The following SLC39A8 variants were observed in gnomAD, a reference collection of about 807,000 sequenced individuals.
SLC39A8 encodes the protein solute carrier family 39 member 8.
SLC39A8 carries 15 observed loss-of-function variants against 40.4 expected under a neutral mutation model. The observed-to-expected ratio is 0.37, with a 90% CI of 0.25 to 0.57. The LOEUF (loss-of-function observed/expected upper bound fraction) is 0.57, where lower values mean the gene tolerates loss of function less well. Ranked by LOEUF, SLC39A8 falls within the 20% of genes least tolerant of loss-of-function variation. The pLI, the probability that SLC39A8 is intolerant of heterozygous loss-of-function variation, is 0.75. For missense variants in SLC39A8, 472 were observed against 558.8 expected (o/e 0.84, Z 1.57); for synonymous variants, 223 against 221.6 (o/e 1.01, Z -0.06).
In SLC39A8 at chr4:102,344,795, G is replaced by T; in HGVS notation, c.-133C>A. On this transcript the variant is annotated 5_prime_UTR_variant, in exon 2 of 9. Coordinates refer to ENST00000356736, the MANE Select transcript of SLC39A8 (RefSeq NM_001135146.2). ...CTGCTCCGAGTCAGAGGTGGCGCGG[G>T]ACGCCCCTGGTTCTCCGACGCCTTC... The T allele has an allele frequency of 7.6e-7, 1 of 1,322,388 alleles. No individual in the cohort carries two copies. Among genetic ancestry groups the T allele is most frequent in the Non-Finnish European group, 9.6e-7 (1 of 1,040,928 alleles). 81.9% of individuals were successfully genotyped at this position (1,322,388 alleles called of 1,614,324 possible).
intron 6 of SLC39A8, among the ~76,000 whole-genome samples, chr4:102,279,706 AATTGCATCCTCTTCTCCCAAT>A (rs1355024957): frequency 1.3e-5 from 2 of 152,220 alleles, no homozygotes; most frequent in African/African-American, 4.8e-5. Flanking sequence ...AATGTTCCTT[AATTGCATCCTCTTCTCCCAAT>A]ATTTTATATG....
At chr4:102,261,171 C>T (rs1330151972), downstream of SLC39A8, among the ~76,000 whole-genome samples, 4 of 152,106 alleles carry the variant, frequency 2.6e-5, no homozygotes, top group Non-Finnish European at 4.4e-5. Context: ...CCTCTTGTAC[C>T]GTAATGGACC....
At chr4:102,253,362 C>T (rs1731636821) in exon 12 of SLC39A8, 2 of 708,372 alleles carry the variant, frequency 2.8e-6, no homozygotes, top group Non-Finnish European at 5.2e-6. Context: ...TAACCAATCA[C>T]TGTTGAAGGT....
In SLC39A8 at chr4:102,270,527, C is replaced by G. The variant is rs1054762737; in HGVS notation, c.841-2448G>C. ...AGTGAATATGCCTATCTCTCTCTTT[C>G]CTTTTTAAATTTTTGTTTTCTATTG... On this transcript the variant is annotated intron_variant, in intron 6 of 8. Coordinates refer to ENST00000356736, the MANE Select transcript of SLC39A8 (RefSeq NM_001135146.2). 2.5e-4 allele frequency among the ~76,000 whole-genome samples: 38 copies of G among 152,262 alleles called. 1 individual carries two copies. The highest frequency in any genetic ancestry group is 7.8e-4 in the Admixed American group (12 of 15,296).
intron 2 of SLC39A8, among the ~76,000 whole-genome samples, chr4:102,334,855 A>G (rs548329099): frequency 1.3e-5 from 2 of 152,346 alleles, no homozygotes; most frequent in East Asian, 3.9e-4. Context: ...CCTAAGGTTG[A>G]GTTTCCTCAA....
intron 6 of SLC39A8, among the ~76,000 whole-genome samples, chr4:102,279,954 C>T (rs1732797983): frequency 6.6e-6 from 1 of 152,180 alleles, no homozygotes; most frequent in African/African-American, 2.4e-5. Flanking sequence ...GCTTTCCGCT[C>T]TTCTTTCCCC....
chr4:102,257,565 T>C (rs1731736163), downstream of SLC39A8, among the ~76,000 whole-genome samples: 1 of 152,140 alleles, frequency 6.6e-6, no homozygotes, highest in Admixed American at 6.5e-5. Flanking sequence ...CTTCCTCCAG[T>C]CTCTTGTCGA....
At position 102,328,647 on chromosome 4, in the gene SLC39A8, T is replaced by A. The variant is rs574152050; in HGVS notation, c.220-12817A>T. Among the ~76,000 whole-genome samples, 13 of 152,366 alleles carry A rather than the reference T, an allele frequency of 8.5e-5. No individual in the cohort carries two copies. In the South Asian group the frequency reaches 2.7e-3, roughly 32 times the overall value. On this transcript the variant is annotated intron_variant, in intron 2 of 8. Transcript: ENST00000356736. ...TAAATGTCAGACATTATGCTAGTTA[T>A]GGGCATAGCGGAGGCTTTCCAGGTA...
intron 6 of SLC39A8, among the ~76,000 whole-genome samples, chr4:102,283,967 T>TC (rs1733031857): frequency 6.6e-6 from 1 of 152,016 alleles, no homozygotes; most frequent in Non-Finnish European, 1.5e-5. Context: ...ACATGGATGG[T>TC]TCCTTCTTAC....
At chr4:102,314,981 C>T (rs966651477) in intron 3 of SLC39A8, among the ~76,000 whole-genome samples, 1 of 152,118 alleles carries the variant, frequency 6.6e-6, no homozygotes, top group African/African-American at 2.4e-5. Flanking sequence ...ATGAACGAAA[C>T]TTTAAAATTC....
intron 6 of SLC39A8, among the ~76,000 whole-genome samples, chr4:102,279,901 T>C (rs1414495569): frequency 6.6e-6 from 1 of 152,158 alleles, no homozygotes; most frequent in East Asian, 1.9e-4. Flanking sequence ...GAGAGAAAAG[T>C]GGTAGAGTAT....
In SLC39A8 at chr4:102,286,590, G is replaced by GA. The variant is rs1578576432; in HGVS notation, c.840+17726dup. 2.6e-5 allele frequency among the ~76,000 whole-genome samples: 4 copies of GA among 152,216 alleles called. No homozygotes were observed. The East Asian group carries it at 7.7e-4, about 29-fold the overall frequency. On this transcript the variant is annotated intron_variant, in intron 6 of 8. Transcript: ENST00000356736. ...TTCACAAAACCTGCCACAGTGTATG[G>GA]ATAAGACTAACACAACATATCAAAC...
At chr4:102,257,530 T>C (rs951061061), downstream of SLC39A8, among the ~76,000 whole-genome samples, 4 of 152,136 alleles carry the variant, frequency 2.6e-5, no homozygotes, top group African/African-American at 9.7e-5. Flanking sequence ...TCAAGGAAAT[T>C]GATACTCTAT....
chr4:102,293,640 T>A (rs985411195), intron 6 of SLC39A8, among the ~76,000 whole-genome samples: 2 of 151,958 alleles, frequency 1.3e-5, no homozygotes, highest in Admixed American at 1.3e-4. Context: ...TACAAAGTAA[T>A]TAGGAAGAAA....
chr4:102,325,903 C>T (rs1295931306), intron 2 of SLC39A8, among the ~76,000 whole-genome samples: 1 of 152,204 alleles, frequency 6.6e-6, no homozygotes, highest in African/African-American at 2.4e-5. Flanking sequence ...ACAACATTTT[C>T]TGTCTTTGTC....
intron 6 of SLC39A8, among the ~76,000 whole-genome samples, chr4:102,278,295 AAAAC>A (rs1732711433): frequency 6.6e-6 from 1 of 152,210 alleles, no homozygotes; most frequent in Non-Finnish European, 1.5e-5. Context: ...TTAGAAGAAA[AAAAC>A]AAACAGCCCC....
At chr4:102,345,018 G>A (rs568408647) in intron 1 of SLC39A8, 103 bp from the exon 2 acceptor site, 3 of 668,868 alleles carry the variant, frequency 4.5e-6, no homozygotes, top group South Asian at 1.3e-4. Flanking sequence ...ACGCCCGGCC[G>A]GGCATGGGGC....
intron 6 of SLC39A8, among the ~76,000 whole-genome samples, chr4:102,294,916 C>A (rs912470875): frequency 6.6e-6 from 1 of 151,742 alleles, no homozygotes; most frequent in African/African-American, 2.4e-5. Flanking sequence ...TGGCAATAAT[C>A]TTTTTAAGTC....
rs1734214066 is a variant in SLC39A8, at chr4:102,307,193, C to T, written c.552+243G>A. Reference sequence around the variant, plus strand: ...AGTTTTAAGGCCTTCTGAGGTGTCCCAGAGCTGTCTGAGCACGTCCTAGTG... The same window carrying T: ...AGTTTTAAGGCCTTCTGAGGTGTCCTAGAGCTGTCTGAGCACGTCCTAGTG... On this transcript the variant is annotated intron_variant, in intron 4 of 8. Transcript: ENST00000356736. Among the ~76,000 whole-genome samples the T allele has an allele frequency of 4.6e-5, 7 of 152,122 alleles. No homozygotes were observed. The South Asian group carries it at 1.5e-3, about 32-fold the overall frequency.
Sources: allele counts gnomAD v4.1 joint callset (sites outside exome capture counted in the v4.1 genomes callset), GRCh38; gene constraint gnomAD v4.1.1; transcripts MANE v1.5; gene names NCBI Gene and HGNC (gene_info 2026-07-23, HGNC 2026-07-21).